Variants in TBL1X observed in about 807,000 individuals in gnomAD.
TBL1X encodes transducin beta like 1 X-linked, also known as F-box-like/WD repeat-containing protein TBL1X.
In TBL1X, 10 loss-of-function variants were observed where a neutral mutation model predicts 50.7. The ratio of observed to expected loss-of-function variants is 0.20; its 90% CI spans 0.12 to 0.33. The LOEUF is 0.33. Ranked by LOEUF, TBL1X falls within the 10% of genes least tolerant of loss-of-function variation. The pLI is 1.00. For missense variants in TBL1X, 340 were observed against 504.4 expected (o/e 0.67, Z 3.12); for synonymous variants, 190 against 214.7 (o/e 0.88, Z 1.01).
chrX:9,645,894 A>G (rs1380848702), intron 3 of TBL1X, among the ~76,000 whole-genome samples: 2 of 111,801 alleles, frequency 1.8e-5, no homozygotes, highest in African/African-American at 3.2e-5. Context: ...AATTTGGGAC[A>G]TATCATAAAT....
intron 2 of TBL1X, among the ~76,000 whole-genome samples, chrX:9,562,960 C>A (rs1439756104): frequency 1.8e-5 from 2 of 112,310 alleles, no homozygotes; most frequent in Non-Finnish European, 3.8e-5. Flanking sequence ...ATTCTACTTT[C>A]TGTCTATGTC....
intron 2 of TBL1X, among the ~76,000 whole-genome samples, chrX:9,558,657 G>A (rs949183041): frequency 1.3e-4 from 14 of 111,455 alleles, no homozygotes; most frequent in Non-Finnish European, 2.1e-4. Flanking sequence ...GGACCTGGCC[G>A]TATGATGGGT....
chrX:9,656,927 C>T (rs191774998), intron 5 of TBL1X, among the ~76,000 whole-genome samples: 30 of 112,227 alleles, frequency 2.7e-4, no homozygotes, highest in Non-Finnish European at 9.4e-5. Context: ...CTCCCTTCTA[C>T]CTTAAATAAA....
At chrX:9,528,950 C>A (rs756910208) in intron 2 of TBL1X, among the ~76,000 whole-genome samples, 10 of 111,731 alleles carry the variant, frequency 9.0e-5, no homozygotes, top group African/African-American at 2.9e-4. Flanking sequence ...GCTATATCCG[C>A]GACACCAAAT....
chrX:9,472,120 G>C (rs906098137), intron 1 of TBL1X, among the ~76,000 whole-genome samples: 6 of 112,072 alleles, frequency 5.4e-5, no homozygotes, highest in African/African-American at 1.9e-4. Flanking sequence ...TTAGGGACCT[G>C]CCTGTTGTTA....
intron 2 of TBL1X, among the ~76,000 whole-genome samples, chrX:9,587,769 A>G (rs748494077): frequency 5.3e-4 from 59 of 110,698 alleles, no homozygotes; most frequent in Non-Finnish European, 9.6e-4. Flanking sequence ...CACCTGGGGA[A>G]GAAACACCCA....
chrX:9,700,160 C>T (rs1418377017), intron 12 of TBL1X, among the ~76,000 whole-genome samples: 2 of 111,904 alleles, frequency 1.8e-5, no homozygotes, highest in Admixed American at 9.5e-5. Flanking sequence ...AATGGAGTTC[C>T]GTCACGTTTG....
chrX:9,497,948 T>C (rs950211831), intron 1 of TBL1X, among the ~76,000 whole-genome samples: 3 of 98,013 alleles, frequency 3.1e-5, no homozygotes, highest in South Asian at 1.2e-3. Flanking sequence ...CCCAGGCTGG[T>C]CTGGAACTCC....
chrX:9,655,369 C>G (rs775729852), intron 5 of TBL1X, among the ~76,000 whole-genome samples: 1 of 111,336 alleles, frequency 9.0e-6, no homozygotes, highest in Non-Finnish European at 1.9e-5. Context: ...GCACATCACC[C>G]TCATCTCTGT....
intron 5 of TBL1X, among the ~76,000 whole-genome samples, chrX:9,668,488 T>C (rs1170014774): frequency 3.6e-5 from 4 of 112,553 alleles, no homozygotes; most frequent in Non-Finnish European, 7.5e-5. Context: ...TTACCACTTT[T>C]AGCAATTGAA....
At chrX:9,702,541 G>C (rs900853106) in intron 12 of TBL1X, among the ~76,000 whole-genome samples, 12 of 106,847 alleles carry the variant, frequency 1.1e-4, no homozygotes, top group Non-Finnish European at 1.9e-4. Context: ...AGGAGTTCGA[G>C]GCTGCAGCGA....
intron 12 of TBL1X, among the ~76,000 whole-genome samples, chrX:9,699,745 G>C (rs911712882): frequency 5.4e-5 from 6 of 111,620 alleles, no homozygotes; most frequent in Non-Finnish European, 9.4e-5. Context: ...CTTCAGCAGG[G>C]ACTCCTCATA....
chrX:9,698,140 G>A (rs1014769509), intron 12 of TBL1X, among the ~76,000 whole-genome samples: 11 of 111,407 alleles, frequency 9.9e-5, no homozygotes, highest in Admixed American at 5.7e-4. Context: ...TCATTGGTCA[G>A]AAGGAGACCC....
chrX:9,535,650 T>C (rs1402921889), intron 2 of TBL1X, among the ~76,000 whole-genome samples: 1 of 112,385 alleles, frequency 8.9e-6, no homozygotes, highest in Non-Finnish European at 1.9e-5. Context: ...AATGATCAAA[T>C]CTGGCTCTGA....
intron 2 of TBL1X, among the ~76,000 whole-genome samples, chrX:9,586,145 C>T (rs2082468677): frequency 1.8e-5 from 2 of 112,095 alleles, no homozygotes; most frequent in Non-Finnish European, 3.8e-5. Context: ...TTTGGGTATA[C>T]ATCCAAAAGA....
At chrX:9,522,467 C>T (rs1449695890) in intron 2 of TBL1X, among the ~76,000 whole-genome samples, 1 of 111,056 alleles carries the variant, frequency 9.0e-6, no homozygotes, top group Non-Finnish European at 1.9e-5. Context: ...ACCTGCAGGC[C>T]CCATGGCTTG....
intron 3 of TBL1X, among the ~76,000 whole-genome samples, chrX:9,647,875 T>A (rs1310276145): frequency 2.7e-5 from 3 of 111,703 alleles, no homozygotes; most frequent in Non-Finnish European, 3.8e-5. Flanking sequence ...CCTACTGACC[T>A]TTCAGGTCTC....
chrX:9,661,853 CAT>C (rs1342146450), intron 5 of TBL1X, among the ~76,000 whole-genome samples: 1 of 111,340 alleles, frequency 9.0e-6, no homozygotes, highest in Non-Finnish European at 1.9e-5. Context: ...TCTACAGAAA[CAT>C]AAGACTGAGG....
chrX:9,487,745 C>T (rs5979104), intron 1 of TBL1X, among the ~76,000 whole-genome samples: 1,421 of 111,684 alleles, frequency 0.013, 28 homozygotes, highest in African/African-American at 0.044. Flanking sequence ...AAACAATTTT[C>T]GTCAGCTAGA....
Sources: allele counts gnomAD v4.1 joint callset (sites outside exome capture counted in the v4.1 genomes callset), GRCh38; gene constraint gnomAD v4.1.1; transcripts MANE v1.5; gene names NCBI Gene and HGNC (gene_info 2026-07-23, HGNC 2026-07-21).